GRM8: variants seen among roughly 807,000 people sequenced by gnomAD.
GRM8 encodes metabotropic glutamate receptor 8.
In GRM8, 47 loss-of-function variants were observed where a neutral mutation model predicts 87.2. The ratio of observed to expected loss-of-function variants is 0.54; its 90% CI spans 0.43 to 0.69. The LOEUF is 0.69. Ranked by LOEUF, GRM8 falls within the 30% of genes least tolerant of loss-of-function variation. GRM8 has a pLI of 0.00. For missense variants in GRM8, 1,019 were observed against 1,139.2 expected, an observed-to-expected ratio of 0.89 and a Z score of 1.52; for synonymous variants, 396 against 404.5, an observed-to-expected ratio of 0.98 and a Z score of 0.25.
chr7:126,616,739 T>C (rs910882798), intron 7 of GRM8, among the ~76,000 whole-genome samples: 1 of 152,140 alleles, frequency 6.6e-6, no homozygotes, highest in Non-Finnish European at 1.5e-5. Context: ...CAGAGAATAC[T>C]ATAAACACCA....
rs1233151038 is a variant in GRM8, at chr7:126,743,011, T to G, written c.1357+26854A>C. 3.3e-5 allele frequency among the ~76,000 whole-genome samples: 5 copies of G among 152,208 alleles called. No individual in the cohort carries two copies. The East Asian group carries it at 7.7e-4, about 24-fold the overall frequency. On this transcript the variant is annotated intron_variant, in intron 7 of 10. Coordinates refer to ENST00000339582, the MANE Select transcript of GRM8 (RefSeq NM_000845.3). ...ATATTGTAGGTATTCAACACAAATT[T>G]GTTGAAATCATATTTATGCACTGGG... is the stretch of plus-strand genomic sequence containing the variant.
chr7:126,747,068 G>A (rs1815785022), intron 7 of GRM8, among the ~76,000 whole-genome samples: 2 of 151,782 alleles, frequency 1.3e-5, no homozygotes, highest in Admixed American at 1.3e-4. Flanking sequence ...TTAGTCAAAT[G>A]TATCATTGGT....
chr7:126,516,507 T>C (rs1812182654), intron 9 of GRM8, among the ~76,000 whole-genome samples: 1 of 152,018 alleles, frequency 6.6e-6, no homozygotes, highest in Non-Finnish European at 1.5e-5. Flanking sequence ...TCAAAATAAA[T>C]ATTTGGCCAA....
intron 2 of GRM8, among the ~76,000 whole-genome samples, chr7:127,106,927 A>C (rs1825864609): frequency 6.6e-6 from 1 of 152,252 alleles, no homozygotes; most frequent in Non-Finnish European, 1.5e-5. Flanking sequence ...AAACAGTGAG[A>C]AAGAATTTCA....
chr7:126,792,733 G>A (rs1269983295), intron 6 of GRM8, among the ~76,000 whole-genome samples: 1 of 151,716 alleles, frequency 6.6e-6, no homozygotes, highest in African/African-American at 2.4e-5. Context: ...TCCATCCCAG[G>A]CATGAATAGT....
chr7:126,739,555 GT>G (rs201120471), intron 7 of GRM8, among the ~76,000 whole-genome samples: 3,346 of 152,140 alleles, frequency 0.022, 138 homozygotes, highest in African/African-American at 0.076. Context: ...TAATAGCAGT[GT>G]TTTATATCAC....
intron 3 of GRM8, among the ~76,000 whole-genome samples, chr7:126,961,770 C>T (rs1809348828): frequency 6.6e-6 from 1 of 152,212 alleles, no homozygotes; most frequent in South Asian, 2.1e-4. Flanking sequence ...GAGAGAAGTG[C>T]TTATTTCTTC....
chr7:126,745,444 G>A (rs1815547296), intron 7 of GRM8, among the ~76,000 whole-genome samples: 1 of 100,074 alleles, frequency 1.0e-5, no homozygotes, highest in South Asian at 3.2e-4. Context: ...TGTGTGTGAC[G>A]TGTGTGTCTG....
At chr7:126,691,777 T>C (rs999469538) in intron 7 of GRM8, among the ~76,000 whole-genome samples, 95 of 152,296 alleles carry the variant, frequency 6.2e-4, no homozygotes, top group Non-Finnish European at 8.8e-5. Context: ...ACTTCAGTGT[T>C]GCCCTTAATT....
At chr7:126,976,635 C>T (rs556822275) in intron 3 of GRM8, among the ~76,000 whole-genome samples, 139 of 152,202 alleles carry the variant, frequency 9.1e-4, no homozygotes, top group Non-Finnish European at 1.7e-3. Context: ...TACAAAGTAT[C>T]ATGAAATTTA....
intron 3 of GRM8, among the ~76,000 whole-genome samples, chr7:127,099,956 C>T (rs1407633928): frequency 1.3e-5 from 2 of 151,924 alleles, no homozygotes; most frequent in Admixed American, 6.6e-5. Context: ...GAAGAGAAGA[C>T]ACAGAGATAA....
At position 127,143,187 on chromosome 7, in the gene GRM8, G is replaced by A. The variant is rs776871210; in HGVS notation, c.511-36475C>T. Among the ~76,000 whole-genome samples the A allele has an allele frequency of 4.5e-4, 69 of 152,008 alleles. 1 individual carries two copies. Among genetic ancestry groups the A allele is most frequent in the Admixed American group, 7.9e-4 (12 of 15,256 alleles). On this transcript the variant is annotated intron_variant, in intron 2 of 10. Transcript: ENST00000339582. ...TGCCTTTTTCCTACAGTTCTAATAG[G>A]TAAGCCTGTTGGAAGGGAAGGAAAA...
intron 2 of GRM8, among the ~76,000 whole-genome samples, chr7:127,161,974 C>T (rs1793145947): frequency 6.6e-6 from 1 of 152,124 alleles, no homozygotes; most frequent in African/African-American, 2.4e-5. Flanking sequence ...ACATCAACTG[C>T]AAGACACATG....
chr7:126,954,674 A>T (rs1467750283), intron 3 of GRM8, among the ~76,000 whole-genome samples: 1 of 152,170 alleles, frequency 6.6e-6, no homozygotes, highest in African/African-American at 2.4e-5. Context: ...ACATGTCCTC[A>T]TCTGTCAACT....
chr7:126,865,208 A>C (rs1798485227), intron 6 of GRM8, among the ~76,000 whole-genome samples: 1 of 152,142 alleles, frequency 6.6e-6, no homozygotes, highest in Non-Finnish European at 1.5e-5. Context: ...TGTTTATAAA[A>C]CTTGGTGATT....
intron 2 of GRM8, among the ~76,000 whole-genome samples, chr7:127,145,328 C>T (rs1350090608): frequency 6.6e-6 from 1 of 152,026 alleles, no homozygotes; most frequent in African/African-American, 2.4e-5. Flanking sequence ...GAGTTATGAA[C>T]CACATTCTCT....
At chr7:127,200,813 A>G (rs1795547458) in intron 2 of GRM8, among the ~76,000 whole-genome samples, 1 of 152,224 alleles carries the variant, frequency 6.6e-6, no homozygotes, top group Non-Finnish European at 1.5e-5. Flanking sequence ...TTATTTAATT[A>G]AATATGTAAA....
intron 3 of GRM8, among the ~76,000 whole-genome samples, chr7:127,052,697 A>G (rs1819611490): frequency 6.6e-6 from 1 of 152,130 alleles, no homozygotes; most frequent in Non-Finnish European, 1.5e-5. Context: ...CATCACCTCT[A>G]TCTCCTTATC....
chr7:127,028,766 C>G (rs6467105), intron 3 of GRM8, among the ~76,000 whole-genome samples: 41,387 of 151,910 alleles, frequency 0.27, 6,273 homozygotes, highest in African/African-American at 0.41. Context: ...TTTTGTTGAT[C>G]TTTTCAAAAA....
Sources: gnomAD v4.1 joint callset for allele counts (sites outside exome capture counted in the v4.1 genomes callset) on GRCh38, gnomAD v4.1.1 for gene constraint, MANE v1.5 for transcripts, NCBI Gene and HGNC (gene_info 2026-07-23, HGNC 2026-07-21) for gene names.